Variants in TTN observed in about 807,000 individuals in gnomAD.
TTN encodes the protein connectin.
TTN carries 1,525 observed loss-of-function variants against 3,223.0 expected under a neutral mutation model. That is an observed-to-expected ratio of 0.47 (90% CI 0.45 to 0.49). The LOEUF is 0.49. Ranked by LOEUF, TTN falls within the 20% of genes least tolerant of loss-of-function variation. TTN has a pLI of 0.00. For synonymous variants in TTN, 14,094 were observed against 15,161.0 expected, an observed-to-expected ratio of 0.93 and a Z score of 5.17; for missense variants, 40,786 against 43,424.0, an observed-to-expected ratio of 0.94 and a Z score of 5.40.
chr2:178,616,409 G>A, intron 257 of TTN, 70 bp downstream of exon 257: 1 of 1,580,072 alleles, frequency 6.3e-7, no homozygotes, highest in Non-Finnish European at 8.6e-7. Context: ...ACTTTTGTAT[G>A]GCATCCCAAC....
chr2:178,577,674 C>A lies in TTN; in HGVS notation c.68752G>T (p.Ala22918Ser), dbSNP rs909868420. 7 of 1,613,150 alleles carry A rather than the reference C, an allele frequency of 4.3e-6. No homozygotes were observed. In the Admixed American group the frequency reaches 1.2e-4, roughly 27 times the overall value. The change falls in exon 323 of 363, where the codon GCA becomes TCA. Residue 22918 changes from alanine to serine, a missense_variant. Ala to Ser is a moderately conservative substitution (Grantham distance 99). Coordinates refer to ENST00000589042, the MANE Select transcript of TTN (RefSeq NM_001267550.2). ...CTGATAGCACCTGCTGTATTCTTTG[C>A]TCTAATTCTGAATTCATATTTTCCA... is the stretch of plus-strand genomic sequence containing the variant. Reference protein sequence around the residue: ...EGGKYEFRIRAKNTAGAISAP... With the variant: ...EGGKYEFRIRSKNTAGAISAP...
intron 99 of TTN, among the ~76,000 whole-genome samples, chr2:178,709,098 C>A (rs1389349247): frequency 6.6e-6 from 1 of 151,956 alleles, no homozygotes; most frequent in African/African-American, 2.4e-5. Context: ...GCAGGTCAAA[C>A]GCTTTGGGCA....
chr2:178,527,457 G>A lies in TTN; in HGVS notation c.107669C>T (p.Ala35890Val). The A allele has an allele frequency of 6.2e-7, 1 of 1,613,394 alleles. No individual in the cohort carries two copies. The highest frequency in any genetic ancestry group is 1.7e-5 in the Admixed American group (1 of 60,014). ...LESSTSKMLK[A>V]GIRGIPPKIE... Reference sequence around the variant, plus strand: ...ATTTTATTGCTCACCTCTTATGCCTGCTTTAAGCATTTTACTAGTTGAGCT... The same window carrying A: ...ATTTTATTGCTCACCTCTTATGCCTACTTTAAGCATTTTACTAGTTGAGCT... The change falls in exon 362 of 363, where the codon GCA becomes GTA. Residue 35890 changes from alanine (A) to valine (V), a missense_variant. Transcript: ENST00000589042.
intron 150 of TTN, among the ~76,000 whole-genome samples, chr2:178,674,688 G>A (rs2067669765): frequency 6.6e-6 from 1 of 151,098 alleles, no homozygotes; most frequent in African/African-American, 2.4e-5. Context: ...GTAGAAATCA[G>A]ATTTTCTGCA....
At position 178,732,693 on chromosome 2, in the gene TTN, G is replaced by A. The variant is rs745942343; in HGVS notation, c.16368C>T (p.Pro5456=). 38 of 1,597,630 alleles carry A rather than the reference G, an allele frequency of 2.4e-5. No individual in the cohort carries two copies. The highest frequency in any genetic ancestry group is 4.0e-5 in the African/African-American group (3 of 74,122). The change falls in exon 56 of 363, where the codon CCC becomes CCT. Residue 5456 remains proline, a synonymous_variant. Coordinates refer to ENST00000589042, the MANE Select transcript of TTN (RefSeq NM_001267550.2). Reference sequence around the variant, plus strand: ...AGCCAGGCAGAACATCCTTTGAGCCGGGTTTAGTTACAAAACTGGGTGGTT... The same window carrying A: ...AGCCAGGCAGAACATCCTTTGAGCCAGGTTTAGTTACAAAACTGGGTGGTT... ...VQEPPSFVTK[P]GSKDVLPGSA... is the part of the protein sequence containing the mutation.
At chr2:178,653,347 T>G in intron 197 of TTN, 26 bp from the exon 198 acceptor site, 1 of 1,610,664 alleles carries the variant, frequency 6.2e-7, no homozygotes, top group Non-Finnish European at 8.5e-7. Flanking sequence ...TAAAGTTACA[T>G]GTAGAGCTAT....
At chr2:178,793,021 T>C (rs998078871) in intron 9 of TTN, among the ~76,000 whole-genome samples, 6 of 152,352 alleles carry the variant, frequency 3.9e-5, no homozygotes, top group Admixed American at 1.3e-4. Context: ...TTGCTAAGAT[T>C]TCTAAAGCAA....
Position 178,685,336 on chromosome 2 carries a change from A to G in TTN, c.32393-6T>C. On this transcript the variant is annotated splice_region_variant and splice_polypyrimidine_tract_variant and intron_variant, in intron 128 of 362. Coordinates refer to ENST00000589042, the MANE Select transcript of TTN (RefSeq NM_001267550.2). ...CTTCTCCTGCCTCTCTGTCACTTGA[A>G]AAGATTATAAAATATGTTTGTAGAA... is the stretch of plus-strand genomic sequence containing the variant. 6.5e-7 allele frequency: 1 copy of G among 1,546,948 alleles called. No individual in the cohort carries two copies. Among genetic ancestry groups the G allele is most frequent in the Non-Finnish European group, 8.7e-7 (1 of 1,144,824 alleles).
rs374042845 is a variant in TTN, at chr2:178,565,234, A to G, written c.80898T>C (p.Ser26966=). ...GTCCAGGCTTTTCTAAAACGATAACACTGAGATTTTCTGTTGCTGTGCCTG... is the reference window on the plus strand; with the variant it reads ...GTCCAGGCTTTTCTAAAACGATAACGCTGAGATTTTCTGTTGCTGTGCCTG... The part of the protein sequence containing the change: ...NSAGTATENL[S]VIVLEKPGPP... The change falls in exon 326 of 363, where the codon AGT becomes AGC. Residue 26966 remains serine (S), a synonymous_variant. Transcript: ENST00000589042. 5.6e-6 allele frequency: 9 copies of G among 1,613,380 alleles called. No homozygotes were observed. The African/African-American group carries it at 1.1e-4, about 19-fold the overall frequency.
chr2:178,794,100 T>C (rs1647761506), intron 8 of TTN, among the ~76,000 whole-genome samples: 4 of 152,228 alleles, frequency 2.6e-5, no homozygotes, highest in Admixed American at 2.6e-4. Flanking sequence ...GACTGGTCTC[T>C]GTTTCTCTGG....
rs1328042181 is a variant in TTN, at chr2:178,775,005, T to C, written c.6706A>G (p.Ile2236Val). Reference sequence around the variant, plus strand: ...TAATCTTCAGCATCAGACGTATCAATGGTCAGTATGGAGAGGAAGTGAACC... The same window carrying C: ...TAATCTTCAGCATCAGACGTATCAACGGTCAGTATGGAGAGGAAGTGAACC... ...RKVHFLSILT[I>V]DTSDAEDYSC... The change falls in exon 29 of 363, where the codon ATT (isoleucine) becomes GTT (valine). Residue 2236 changes from isoleucine to valine, a missense_variant. By Grantham distance (29) the Ile-to-Val change is conservative. Coordinates refer to ENST00000589042, the MANE Select transcript of TTN (RefSeq NM_001267550.2). The C allele has an allele frequency of 1.2e-6, 2 of 1,613,872 alleles. No individual in the cohort carries two copies. Among genetic ancestry groups the C allele is most frequent in the East Asian group, 2.2e-5 (1 of 44,826 alleles).
chr2:178,533,949 T>C lies in TTN; in HGVS notation c.102666A>G (p.Ala34222=). Residue 34222 remains alanine, a synonymous_variant, in exon 358 of 363, where the codon GCA becomes GCG. Transcript: ENST00000589042. The part of the protein sequence containing the change: ...VNDYGEDSSY[A]ELFVKGVREV... ...CTCTCACACCTTTAACAAATAGCTC[T>C]GCATAAGAACTGTCTTCACCATAGT... 1.9e-6 allele frequency: 3 copies of C among 1,613,926 alleles called. No individual in the cohort carries two copies. Among genetic ancestry groups the C allele is most frequent in the Non-Finnish European group, 2.5e-6 (3 of 1,179,852 alleles).
chr2:178,630,212 A>T (rs777843557), intron 239 of TTN, 29 bp downstream of exon 239: 6 of 1,610,694 alleles, frequency 3.7e-6, no homozygotes, highest in Non-Finnish European at 5.1e-6. Flanking sequence ...GTGTTTATTT[A>T]ATTTCCCTGA....
chr2:178,627,814 A>T (rs756928605), intron 240 of TTN, among the ~76,000 whole-genome samples: 1 of 151,994 alleles, frequency 6.6e-6, no homozygotes, highest in Non-Finnish European at 1.5e-5. Context: ...AAATAATATC[A>T]TTTGTCTTTA....
intron 20 of TTN, among the ~76,000 whole-genome samples, chr2:178,781,821 C>T (rs558721440): frequency 8.0e-4 from 121 of 152,084 alleles, no homozygotes; most frequent in African/African-American, 2.8e-3. Context: ...TAGCTTTCTT[C>T]TTCATTACAT....
rs1381899333 is a variant in TTN at position 178,572,094 on chromosome 2, T to A, written c.74038A>T (p.Ile24680Phe). The change falls in exon 326 of 363, where the codon ATT becomes TTT. Residue 24680 changes from isoleucine to phenylalanine, a missense_variant. Physicochemically the swap from Ile to Phe is conservative, Grantham distance 21. Transcript: ENST00000589042. The stretch of plus-strand genomic sequence containing the variant: ...CGGAAAGAGTATTCTTCACCCTGAA[T>A]TAATCCAGTGATAGTGGCTTCAGTG... ...KVTEATITGLIQGEEYSFRVS... is the reference protein window; with the variant it reads ...KVTEATITGLFQGEEYSFRVS... 3 of 1,613,154 alleles carry A rather than the reference T, an allele frequency of 1.9e-6. No individual in the cohort carries two copies. The highest frequency in any genetic ancestry group is 2.5e-6 in the Non-Finnish European group (3 of 1,179,554).
intron 131 of TTN, 63 bp downstream of exon 131, chr2:178,684,603 C>T (rs2070333178): frequency 3.9e-6 from 6 of 1,524,744 alleles, no homozygotes; most frequent in Non-Finnish European, 5.4e-6. Flanking sequence ...CAAAGAACAG[C>T]AGCAGAGAGA....
rs2048153754 is a variant in TTN, at chr2:178,583,142, A to C, written c.65661T>G (p.Val21887=). ...AAACTGTTGGCATCGGTTTACCAAA[A>C]ACAGTAGCATCCAAGCAGACATTAG... ...AGTNVCLDAT[V]FGKPMPTVSW... is the part of the protein sequence containing the mutation. Residue 21887 remains valine (V), a synonymous_variant, in exon 313 of 363, where the codon GTT becomes GTG. Coordinates refer to ENST00000589042, the MANE Select transcript of TTN (RefSeq NM_001267550.2). 6.2e-7 allele frequency: 1 copy of C among 1,612,582 alleles called. No homozygotes were observed. Among genetic ancestry groups the C allele is most frequent in the East Asian group, 2.2e-5 (1 of 44,584 alleles).
Position 178,576,525 on chromosome 2 carries a change from T to TAAC in TTN, c.69715+1_69715+3dup. The TAAC allele has an allele frequency of 6.2e-7, 1 of 1,611,774 alleles. No homozygotes were observed. The highest frequency in any genetic ancestry group is 8.5e-7 in the Non-Finnish European group (1 of 1,179,264). On this transcript the variant is annotated splice_donor_region_variant and intron_variant, in intron 325 of 362. Transcript: ENST00000589042. The surrounding 1 kb of genome is among the most constrained non-coding windows in gnomAD (Gnocchi z 4.3). ...GAACGGTGTTGAAAAAGACAAATAC[T>TAAC]AACATGCTGCATCTTTCATCAGAAC...
Sources: allele counts gnomAD v4.1 joint callset (sites outside exome capture counted in the v4.1 genomes callset), GRCh38; gene constraint gnomAD v4.1.1; non-coding constraint Gnocchi (gnomAD v3.1); transcripts MANE v1.5; gene names NCBI Gene and HGNC (gene_info 2026-07-23, HGNC 2026-07-21).